The following FYB1 variants were observed in gnomAD, a reference collection of about 807,000 sequenced individuals.
FYB1 encodes FYN binding protein 1.
Under a neutral mutation model 94.1 loss-of-function variants are expected in FYB1, and 41 were observed. That is an observed-to-expected ratio of 0.44 (90% CI 0.34 to 0.57). The LOEUF (loss-of-function observed/expected upper bound fraction) is 0.57, where lower values mean the gene tolerates loss of function less well. Ranked by LOEUF, FYB1 falls within the 20% of genes least tolerant of loss-of-function variation. The pLI is 0.02. For synonymous variants in FYB1, 367 were observed against 353.2 expected (o/e 1.04, Z -0.44); for missense variants, 1,050 against 976.8 (o/e 1.07, Z -1.00).
chr5:39,239,505 A>G (rs1629104), intron 1 of FYB1, among the ~76,000 whole-genome samples: 9,462 of 152,238 alleles, frequency 0.062, 848 homozygotes, highest in East Asian at 0.21. Context: ...TAGCAATTCT[A>G]TACACCAACA....
chr5:39,137,754 C>G (rs369050617), intron 6 of FYB1, 34 bp from the exon 7 acceptor site: 11 of 1,549,712 alleles, frequency 7.1e-6, no homozygotes, highest in Non-Finnish European at 9.6e-6. Flanking sequence ...GTTTTCACAT[C>G]TGCAGGTGTT....
Position 39,126,671 on chromosome 5 carries a change from G to C in FYB1, c.1908-536C>G, listed in dbSNP as rs1429658316. Among the ~76,000 whole-genome samples, 3 of 140,994 alleles carry C rather than the reference G, an allele frequency of 2.1e-5. 1 individual carries two copies. The highest frequency in any genetic ancestry group is 8.7e-5 in the African/African-American group (3 of 34,288). 92.5% of individuals were successfully genotyped at this position (140,994 alleles called of 152,430 possible). A position where few individuals can be genotyped will look rare whatever the true frequency, so the allele number is the denominator to read the frequency against. On this transcript the variant is annotated intron_variant, in intron 11 of 18. Coordinates refer to ENST00000512982, the MANE Select transcript of FYB1 (RefSeq NM_001465.6). ...TGATCCTACCACTGCATTCTAGCTG[G>C]GGCAACAGAGTGAGACCTGGTCTCA... is the stretch of plus-strand genomic sequence containing the variant.
At chr5:39,122,235 G>A (rs886211052) in intron 14 of FYB1, 101 bp downstream of exon 14, 108 of 736,658 alleles carry the variant, frequency 1.5e-4, no homozygotes, top group Admixed American at 1.1e-4. Flanking sequence ...CAACAGGATC[G>A]CACACAGTAG....
At chr5:39,139,379 A>G in intron 4 of FYB1, 127 bp from the exon 5 acceptor site, 4 of 810,836 alleles carry the variant, frequency 4.9e-6, no homozygotes, top group Non-Finnish European at 7.0e-6. Context: ...GCTTTATCAA[A>G]GATACAGAAA....
Position 39,139,252 on chromosome 5 carries a change from C to A in FYB1, c.1340G>T (p.Gly447Val). Residue 447 changes from glycine to valine, a missense_variant and splice_region_variant, in exon 5 of 19, where the codon GGT becomes GTT. By Grantham distance (109) the Gly-to-Val change is moderately radical. Transcript: ENST00000512982. ...DNQDGVTHSD[G>V]AGNLDEEQDS... Reference sequence around the variant, plus strand: ...TCTGACCTCATCTAGATTTCCAGCACCTAAAAGATTAAAAAAATAAAATTT... The same window carrying A: ...TCTGACCTCATCTAGATTTCCAGCAACTAAAAGATTAAAAAAATAAAATTT... 1 of 1,453,560 alleles carries A rather than the reference C, an allele frequency of 6.9e-7. No homozygotes were observed. Among genetic ancestry groups the A allele is most frequent in the South Asian group, 1.3e-5 (1 of 76,862 alleles). 90.0% of individuals were successfully genotyped at this position (1,453,560 alleles called of 1,614,324 possible). A position where few individuals can be genotyped will look rare whatever the true frequency, so the allele number is the denominator to read the frequency against.
intron 1 of FYB1, among the ~76,000 whole-genome samples, chr5:39,271,679 T>C (rs577243538): frequency 2.4e-4 from 36 of 152,200 alleles, no homozygotes; most frequent in Admixed American, 1.8e-3. Flanking sequence ...AATTAAGACA[T>C]AATTAGAAAT....
intron 1 of FYB1, among the ~76,000 whole-genome samples, chr5:39,233,081 C>G (rs1039998717): frequency 6.6e-6 from 1 of 152,108 alleles, no homozygotes; most frequent in South Asian, 2.1e-4. Flanking sequence ...GGGTATATAC[C>G]CAGTAATGGG....
chr5:39,173,890 T>C (rs1745475977), intron 2 of FYB1, among the ~76,000 whole-genome samples: 1 of 152,210 alleles, frequency 6.6e-6, no homozygotes, highest in African/African-American at 2.4e-5. Flanking sequence ...GCCTTTGGCT[T>C]AGTTCTTCCT....
intron 1 of FYB1, among the ~76,000 whole-genome samples, chr5:39,232,222 A>C (rs1479521963): frequency 6.6e-6 from 1 of 152,184 alleles, no homozygotes; most frequent in Non-Finnish European, 1.5e-5. Flanking sequence ...CTTTGATCAA[A>C]ATGAACATTG....
intron 1 of FYB1, among the ~76,000 whole-genome samples, chr5:39,208,095 G>C (rs1486987152): frequency 6.6e-6 from 1 of 152,072 alleles, no homozygotes; most frequent in Admixed American, 6.5e-5. Context: ...GCCACTACTA[G>C]CAATGGTTTT....
chr5:39,107,540 G>T, intron 18 of FYB1, 75 bp from the exon 19 acceptor site: 3 of 1,019,300 alleles, frequency 2.9e-6, no homozygotes, highest in South Asian at 1.8e-5. Context: ...TTGGAAATGT[G>T]GGTGATTCAT....
chr5:39,219,617 A>G, upstream of FYB1: 1 of 985,336 alleles, frequency 1.0e-6, no homozygotes, highest in Non-Finnish European at 1.2e-6. Context: ...TGAGTGAGCC[A>G]CACCTCCCTC....
At chr5:39,178,210 T>G (rs946208951) in intron 2 of FYB1, among the ~76,000 whole-genome samples, 12 of 152,244 alleles carry the variant, frequency 7.9e-5, no homozygotes, top group African/African-American at 2.9e-4. Context: ...CATTACTGTC[T>G]CAAAGACTTT....
intron 1 of FYB1, among the ~76,000 whole-genome samples, chr5:39,212,460 C>T (rs1192166761): frequency 6.6e-6 from 1 of 152,116 alleles, no homozygotes; most frequent in East Asian, 1.9e-4. Flanking sequence ...ATTTTGAAAC[C>T]TTACTCTAAG....
At position 39,190,423 on chromosome 5, in the gene FYB1, C is replaced by G. The variant is rs116213489; in HGVS notation, c.1135+11403G>C. ...GGCTGCTCCACCCAATCCTGAGGAG[C>G]TATGGACAATCTTAGGGTTAGTGGG... On this transcript the variant is annotated intron_variant, in intron 2 of 18. Transcript: ENST00000512982. Among the ~76,000 whole-genome samples, 1,005 of 152,228 alleles carry G rather than the reference C, an allele frequency of 6.6e-3. 10 individuals are homozygous for G. Among genetic ancestry groups the G allele is most frequent in the African/African-American group, 0.023 (940 of 41,534 alleles).
At chr5:39,143,771 T>C (rs1026064467) in intron 3 of FYB1, among the ~76,000 whole-genome samples, 3 of 152,200 alleles carry the variant, frequency 2.0e-5, no homozygotes, top group African/African-American at 7.2e-5. Context: ...GTCATGGATA[T>C]CTGTCTCAGT....
chr5:39,161,819 C>G (rs1011401156), intron 2 of FYB1, among the ~76,000 whole-genome samples: 1 of 152,174 alleles, frequency 6.6e-6, no homozygotes, highest in Non-Finnish European at 1.5e-5. Flanking sequence ...CAAAAATAAA[C>G]CCCTGTACTT....
intron 2 of FYB1, chr5:39,169,406 A>T: frequency 1.3e-6 from 1 of 752,924 alleles, no homozygotes; most frequent in Non-Finnish European, 2.5e-6. Flanking sequence ...TTCCTGCCAG[A>T]TTAGTTTCTG....
intron 2 of FYB1, among the ~76,000 whole-genome samples, chr5:39,200,047 C>G (rs1267370657): frequency 6.6e-6 from 1 of 152,120 alleles, no homozygotes; most frequent in Non-Finnish European, 1.5e-5. Flanking sequence ...TAATACATCT[C>G]AAGGCATCAG....
Sources: gnomAD v4.1 joint callset for allele counts (sites outside exome capture counted in the v4.1 genomes callset) on GRCh38, gnomAD v4.1.1 for gene constraint, MANE v1.5 for transcripts, NCBI Gene and HGNC (gene_info 2026-07-23, HGNC 2026-07-21) for gene names.